The following GTF3C1 variants were observed in gnomAD, a reference collection of about 807,000 sequenced individuals.
The protein encoded by GTF3C1 is general transcription factor IIIC subunit 1.
GTF3C1 carries 57 observed loss-of-function variants against 226.7 expected under a neutral mutation model. The ratio of observed to expected loss-of-function variants is 0.25; its 90% CI spans 0.20 to 0.31. The LOEUF (loss-of-function observed/expected upper bound fraction) is 0.31, where lower values mean the gene tolerates loss of function less well. Ranked by LOEUF, GTF3C1 falls within the 10% of genes least tolerant of loss-of-function variation. The pLI is 1.00. For missense variants in GTF3C1, 2,217 were observed against 2,776.1 expected (o/e 0.80, Z 4.53); for synonymous variants, 1,090 against 1,084.8 (o/e 1.00, Z -0.09).
intron 6 of GTF3C1, among the ~76,000 whole-genome samples, chr16:27,516,611 A>AT (rs1333308786): frequency 6.6e-6 from 1 of 152,100 alleles, no homozygotes; most frequent in African/African-American, 2.4e-5. Flanking sequence ...TCACAGACAC[A>AT]TTTTCCTTTC....
At position 27,505,808 on chromosome 16, in the gene GTF3C1, T is replaced by G. The variant is rs1281283595; in HGVS notation, c.1770+91A>C. 1.1e-5 allele frequency: 9 copies of G among 787,164 alleles called. No individual in the cohort carries two copies. The East Asian group carries it at 2.0e-4, about 17-fold the overall frequency. 48.8% of individuals were successfully genotyped at this position (787,164 alleles called of 1,614,324 possible). ...CACGCAGCACTCTCGCTGTGGATGATTCCACTGTGATCATGTGATTCCTAA... is the reference window on the plus strand; with the variant it reads ...CACGCAGCACTCTCGCTGTGGATGAGTCCACTGTGATCATGTGATTCCTAA... On this transcript the variant is annotated intron_variant, in intron 10 of 36. Coordinates refer to ENST00000356183, the MANE Select transcript of GTF3C1 (RefSeq NM_001520.4).
Position 27,547,406 on chromosome 16 carries a change from G to A in GTF3C1, c.222-1883C>T, listed in dbSNP as rs541773501. 1.1e-4 allele frequency among the ~76,000 whole-genome samples: 16 copies of A among 152,252 alleles called. No individual in the cohort carries two copies. In the South Asian group the frequency reaches 3.3e-3, roughly 32 times the overall value. ...GAACCTGAAGCTAAATGTGTCACAT[G>A]TCTCTTCAGCAAAGTCCCCACCTCC... On this transcript the variant is annotated intron_variant, in intron 1 of 36. Transcript: ENST00000356183.
In GTF3C1 at chr16:27,478,528, G is replaced by A; in HGVS notation, c.4200C>T (p.Tyr1400=). The A allele has an allele frequency of 6.2e-7, 1 of 1,609,944 alleles. No individual in the cohort carries two copies. The highest frequency in any genetic ancestry group is 1.3e-5 in the African/African-American group (1 of 74,914). Residue 1400 remains tyrosine (Y), a synonymous_variant, in exon 28 of 37, where the codon TAC becomes TAT. Transcript: ENST00000356183. ...TTTCATCCCCAATTGCCAAAACTCG[G>A]TACCTGCAAAAGAAACATAACAGCA... ...PDTLQELFAR[Y]RVLAIGDEKD... is the part of the protein sequence containing the mutation.
At chr16:27,498,548 A>G in intron 13 of GTF3C1, 82 bp downstream of exon 13, 1 of 788,436 alleles carries the variant, frequency 1.3e-6, no homozygotes, top group Non-Finnish European at 2.3e-6. Context: ...AGGTATAAAG[A>G]AAGGGCTCTT....
intron 33 of GTF3C1, 117 bp from the exon 34 acceptor site, chr16:27,464,953 A>T: frequency 1.2e-6 from 1 of 842,716 alleles, no homozygotes; most frequent in Non-Finnish European, 1.8e-6. Context: ...TGAGCAGCCC[A>T]GGCCCACGAG....
chr16:27,462,399 C>T lies in GTF3C1; in HGVS notation c.6012G>A (p.Glu2004=). ...TGGTCATGATGTGGTACAGCATGGC[C>T]TCCATCATACCCTTGCATACAGGAA... The part of the protein sequence containing the change: ...LNLPVCKGMM[E]AMLYHIMTRP... The change falls in exon 36 of 37, where the codon GAG becomes GAA. Residue 2004 remains glutamate, a synonymous_variant. Transcript: ENST00000356183. The surrounding 1 kb of genome is among the most constrained non-coding windows in gnomAD (Gnocchi z 4.5). 6.2e-7 allele frequency: 1 copy of T among 1,610,572 alleles called. No homozygotes were observed.
chr16:27,542,688 A>G (rs1403922418), intron 2 of GTF3C1, among the ~76,000 whole-genome samples: 1 of 152,168 alleles, frequency 6.6e-6, no homozygotes, highest in Non-Finnish European at 1.5e-5. Flanking sequence ...TGGAGAAGAA[A>G]ATGAGTCTCC....
chr16:27,538,889 T>C (rs2089039657), intron 2 of GTF3C1, among the ~76,000 whole-genome samples: 1 of 151,672 alleles, frequency 6.6e-6, no homozygotes, highest in Non-Finnish European at 1.5e-5. Flanking sequence ...AAATGCCAAC[T>C]AGAGTTCTAG....
intron 13 of GTF3C1, 52 bp downstream of exon 13, chr16:27,498,576 GAC>G: frequency 1.1e-6 from 1 of 871,110 alleles, no homozygotes; most frequent in Non-Finnish European, 2.0e-6. Flanking sequence ...GCTGTAGGCT[GAC>G]ACACAGACCT....
chr16:27,479,832 T>A (rs1205280471), intron 27 of GTF3C1, among the ~76,000 whole-genome samples: 1 of 152,184 alleles, frequency 6.6e-6, no homozygotes, highest in East Asian at 1.9e-4. Flanking sequence ...AGTATTAAAC[T>A]GTTACACTTG....
intron 6 of GTF3C1, among the ~76,000 whole-genome samples, chr16:27,527,639 C>T (rs151226470): frequency 3.7e-4 from 56 of 152,270 alleles, no homozygotes; most frequent in Non-Finnish European, 6.0e-4. Flanking sequence ...GTGACAATGC[C>T]ACCAACCTTA....
chr16:27,504,887 T>C (rs886786526), intron 10 of GTF3C1, among the ~76,000 whole-genome samples: 2 of 152,238 alleles, frequency 1.3e-5, no homozygotes, highest in Middle Eastern at 3.4e-3. Flanking sequence ...GCCGAGCTCG[T>C]ACCACTGCAC....
Position 27,488,594 on chromosome 16 carries a change from C to G in GTF3C1, c.3471G>C (p.Gln1157His). ...GCATTGGGCGCTTGGACAGAAATGT[C>G]TGGAGCCTCACTGTGAGTCCATTCT... The part of the protein sequence containing the change: ...AAENGLTVRL[Q>H]TFLSKRPMPL... Residue 1157 changes from glutamine (Q) to histidine (H), a missense_variant, in exon 22 of 37, where the codon CAG becomes CAC. Gln to His is a conservative substitution (Grantham distance 24). This residue lies in a region of GTF3C1 where 546 missense variants were observed against 663.0 expected (regional missense o/e 0.82). Coordinates refer to ENST00000356183, the MANE Select transcript of GTF3C1 (RefSeq NM_001520.4). 1 of 1,614,040 alleles carries G rather than the reference C, an allele frequency of 6.2e-7. No homozygotes were observed. The highest frequency in any genetic ancestry group is 8.5e-7 in the Non-Finnish European group (1 of 1,180,012).
intron 32 of GTF3C1, among the ~76,000 whole-genome samples, chr16:27,467,453 C>T (rs1474086767): frequency 1.3e-5 from 2 of 152,208 alleles, no homozygotes; most frequent in Non-Finnish European, 2.9e-5. Context: ...CCCCTGGTCA[C>T]CCATGAGCTC....
intron 11 of GTF3C1, among the ~76,000 whole-genome samples, 176 bp from the exon 12 acceptor site, chr16:27,501,520 T>C (rs923562259): frequency 6.6e-6 from 1 of 152,136 alleles, no homozygotes; most frequent in African/African-American, 2.4e-5. Context: ...TTTCCCTCTG[T>C]GGCAAATGTA....
At chr16:27,476,587 C>A (rs766096319) in intron 28 of GTF3C1, 43 bp from the exon 29 acceptor site, 1 of 1,100,510 alleles carries the variant, frequency 9.1e-7, no homozygotes, top group South Asian at 1.3e-5. Flanking sequence ...ACCACAGGCA[C>A]TGCTCAGCTC....
Position 27,483,030 on chromosome 16 carries a change from C to T in GTF3C1, c.4083+14G>A. On this transcript the variant is annotated intron_variant, in intron 26 of 36. Transcript: ENST00000356183. The stretch of plus-strand genomic sequence containing the variant: ...TCCCAAGCATACCAAGCCCTACACT[C>T]ACACAGGACCTACCTTTGGGTCATC... 5 of 1,612,476 alleles carry T rather than the reference C, an allele frequency of 3.1e-6. No homozygotes were observed. Among genetic ancestry groups the T allele is most frequent in the Non-Finnish European group, 4.2e-6 (5 of 1,178,552 alleles).
At chr16:27,501,003 A>C (rs1567400002) in intron 12 of GTF3C1, among the ~76,000 whole-genome samples, 188 bp downstream of exon 12, 1 of 152,196 alleles carries the variant, frequency 6.6e-6, no homozygotes, top group African/African-American at 2.4e-5. Context: ...ATGCTTTACA[A>C]TCCTAGCAAG....
chr16:27,531,632 C>T (rs1220335311), intron 5 of GTF3C1, among the ~76,000 whole-genome samples: 1 of 152,210 alleles, frequency 6.6e-6, no homozygotes, highest in Non-Finnish European at 1.5e-5. Context: ...CCTGAAGTAT[C>T]TGTTCAATGA....
Sources: allele counts gnomAD v4.1 joint callset (sites outside exome capture counted in the v4.1 genomes callset), GRCh38; gene constraint gnomAD v4.1.1; regional missense constraint gnomAD v4.1.1; non-coding constraint Gnocchi (gnomAD v3.1); transcripts MANE v1.5; gene names NCBI Gene and HGNC (gene_info 2026-07-23, HGNC 2026-07-21).